NEDD9: variants seen among roughly 807,000 people sequenced by gnomAD.
NEDD9 encodes the protein neural precursor cell expressed, developmentally down-regulated 9.
A neutral mutation model predicts 76.6 loss-of-function variants in NEDD9; 26 were observed. That is an observed-to-expected ratio of 0.34 (90% CI 0.25 to 0.47). The LOEUF is 0.47. NEDD9 is among the 20% of genes least tolerant of loss of function. The pLI, the probability that NEDD9 is intolerant of heterozygous loss-of-function variation, is 1.00. For synonymous variants in NEDD9, 392 were observed against 414.2 expected (o/e 0.95, Z 0.65); for missense variants, 937 against 1,058.5 (o/e 0.89, Z 1.59).
chr6:11,247,438 T>G (rs984255681), intron 3 of NEDD9, among the ~76,000 whole-genome samples: 2 of 152,250 alleles, frequency 1.3e-5, no homozygotes, highest in Non-Finnish European at 2.9e-5. Context: ...TTTGTTTTTA[T>G]TGGGACATAA....
intron 3 of NEDD9, among the ~76,000 whole-genome samples, chr6:11,287,950 A>G (rs1355068761): frequency 6.6e-6 from 1 of 152,232 alleles, no homozygotes. Flanking sequence ...CAGCATTGAT[A>G]TCTTTGATGA....
At chr6:11,326,920 T>C (rs988102198) in intron 2 of NEDD9, among the ~76,000 whole-genome samples, 1 of 152,166 alleles carries the variant, frequency 6.6e-6, no homozygotes, top group Non-Finnish European at 1.5e-5. Flanking sequence ...GAGAAACAAT[T>C]TTGAGAACCA....
At chr6:11,266,504 T>C (rs1339222275) in intron 3 of NEDD9, among the ~76,000 whole-genome samples, 2 of 152,160 alleles carry the variant, frequency 1.3e-5, no homozygotes, top group Admixed American at 1.3e-4. Flanking sequence ...ACAATTCCCT[T>C]ACAAGAGTGA....
intron 3 of NEDD9, among the ~76,000 whole-genome samples, chr6:11,300,776 G>A (rs1189688691): frequency 1.3e-5 from 2 of 152,180 alleles, no homozygotes; most frequent in Non-Finnish European, 2.9e-5. Context: ...CTTCATAAGT[G>A]AAGGAGAAAT....
intron 3 of NEDD9, among the ~76,000 whole-genome samples, chr6:11,249,856 G>A (rs1476366253): frequency 1.3e-5 from 2 of 152,166 alleles, no homozygotes; most frequent in South Asian, 2.1e-4. Flanking sequence ...GTTGGCTCGC[G>A]TGGGCTTCCT....
intron 1 of NEDD9, among the ~76,000 whole-genome samples, chr6:11,227,875 A>G (rs9295828): frequency 0.54 from 81,418 of 151,752 alleles, 22,095 homozygotes; most frequent in East Asian, 0.61. Flanking sequence ...TCAGAGTTTG[A>G]TTGTTTAAAC....
chr6:11,235,793 A>G (rs1759587325), upstream of NEDD9, among the ~76,000 whole-genome samples: 1 of 152,212 alleles, frequency 6.6e-6, no homozygotes, highest in Non-Finnish European at 1.5e-5. This position sits in a 1 kb window ranked among gnomAD's most constrained non-coding sequence, Gnocchi z 4.1. Context: ...AAGCGCAGCA[A>G]GCTGTCTAGT....
At chr6:11,375,048 G>C (rs1762949778) in intron 1 of NEDD9, among the ~76,000 whole-genome samples, 1 of 152,144 alleles carries the variant, frequency 6.6e-6, no homozygotes, top group Non-Finnish European at 1.5e-5. Flanking sequence ...CTCTGCTCAA[G>C]TAGTTTGTGC....
intron 2 of NEDD9, among the ~76,000 whole-genome samples, chr6:11,309,390 T>C (rs1761297122): frequency 6.6e-6 from 1 of 152,192 alleles, no homozygotes; most frequent in African/African-American, 2.4e-5. Context: ...GTTTCTGTTG[T>C]GTTTATGTGG....
At chr6:11,257,721 C>A (rs1760031490) in intron 3 of NEDD9, among the ~76,000 whole-genome samples, 1 of 151,686 alleles carries the variant, frequency 6.6e-6, no homozygotes, top group Admixed American at 6.6e-5. Flanking sequence ...AGGGCCGAGG[C>A]TTCTCATTTC....
intron 3 of NEDD9, among the ~76,000 whole-genome samples, chr6:11,248,249 A>G (rs1759847874): frequency 2.0e-5 from 3 of 152,142 alleles, no homozygotes; most frequent in South Asian, 4.1e-4. Context: ...GAAAGAAAGG[A>G]AAGCCTTTAC....
At chr6:11,343,754 C>T (rs1469881250) in intron 1 of NEDD9, among the ~76,000 whole-genome samples, 1 of 152,106 alleles carries the variant, frequency 6.6e-6, no homozygotes, top group Non-Finnish European at 1.5e-5. Context: ...AGTAGACAGG[C>T]TAAAATCATA....
At chr6:11,236,734 A>T (rs1219330417), upstream of NEDD9, among the ~76,000 whole-genome samples, 1 of 152,180 alleles carries the variant, frequency 6.6e-6, no homozygotes, top group Non-Finnish European at 1.5e-5. This position sits in a 1 kb window ranked among gnomAD's most constrained non-coding sequence, Gnocchi z 5.5. Context: ...TAACTCTCTC[A>T]CTGCTGTCAT....
intron 2 of NEDD9, among the ~76,000 whole-genome samples, chr6:11,330,981 G>C (rs565147708): frequency 6.6e-6 from 1 of 152,138 alleles, no homozygotes; most frequent in South Asian, 2.1e-4. Context: ...ATATTGTGTA[G>C]ATACTCTACT....
At chr6:11,226,038 AAG>A (rs1759299145) in intron 1 of NEDD9, among the ~76,000 whole-genome samples, 1 of 152,148 alleles carries the variant, frequency 6.6e-6, no homozygotes, top group African/African-American at 2.4e-5. Flanking sequence ...ACTGTCTTCA[AAG>A]AGAGTCACCC....
At chr6:11,287,954 T>C (rs1219014502) in intron 3 of NEDD9, among the ~76,000 whole-genome samples, 1 of 152,212 alleles carries the variant, frequency 6.6e-6, no homozygotes, top group Non-Finnish European at 1.5e-5. Flanking sequence ...ATTGATATCT[T>C]TGATGAAGCT....
chr6:11,211,065 T>A (rs1758775987), intron 2 of NEDD9, among the ~76,000 whole-genome samples: 1 of 152,228 alleles, frequency 6.6e-6, no homozygotes. Flanking sequence ...CTGGAAGGGC[T>A]GGCACAGGTC....
intron 2 of NEDD9, among the ~76,000 whole-genome samples, chr6:11,331,664 C>T (rs561202112): frequency 6.6e-6 from 1 of 152,152 alleles, no homozygotes; most frequent in South Asian, 2.1e-4. Context: ...AAAAACGACC[C>T]CTTGCCATTC....
intron 6 of NEDD9, among the ~76,000 whole-genome samples, chr6:11,186,367 G>C (rs946707043): frequency 2.0e-5 from 3 of 152,202 alleles, no homozygotes; most frequent in African/African-American, 7.2e-5. Flanking sequence ...AGAGTCAGAT[G>C]CATCAGGTGC....
Sources: allele counts gnomAD v4.1 joint callset (sites outside exome capture counted in the v4.1 genomes callset), GRCh38; gene constraint gnomAD v4.1.1; non-coding constraint Gnocchi (gnomAD v3.1); transcripts MANE v1.5; gene names NCBI Gene and HGNC (gene_info 2026-07-23, HGNC 2026-07-21).